The following NPM2 variants were observed in gnomAD, a reference collection of about 807,000 sequenced individuals.
The protein encoded by NPM2 is nucleoplasmin-2.
A neutral mutation model predicts 32.0 loss-of-function variants in NPM2; 25 were observed. The observed-to-expected ratio is 0.78, with a 90% CI of 0.57 to 1.09. The LOEUF is 1.09. NPM2 is among the 50% of genes least tolerant of loss of function. The pLI, the probability that NPM2 is intolerant of heterozygous loss-of-function variation, is 0.00. For synonymous variants in NPM2, 111 were observed against 94.2 expected (o/e 1.18, Z -1.04); for missense variants, 282 against 259.9 (o/e 1.08, Z -0.58).
intron 5 of NPM2, among the ~76,000 whole-genome samples, chr8:22,032,215 G>A (rs1050411883): frequency 2.6e-5 from 4 of 152,192 alleles, no homozygotes; most frequent in African/African-American, 9.7e-5. Flanking sequence ...AGAAAATTTG[G>A]GAAGTTTGGA....
intron 5 of NPM2, among the ~76,000 whole-genome samples, chr8:22,028,484 G>GC: frequency 2.9e-5 from 1 of 33,988 alleles, no homozygotes; most frequent in East Asian, 1.3e-3. Flanking sequence ...ATGCCCAGCT[G>GC]ATTTTTTTTT....
At position 22,033,953 on chromosome 8, in the gene NPM2, G is replaced by T. The variant is rs185487248; in HGVS notation, c.365-156G>T. Among the ~76,000 whole-genome samples, 11 of 152,254 alleles carry T rather than the reference G, an allele frequency of 7.2e-5. No homozygotes were observed. The South Asian group carries it at 2.3e-3, about 32-fold the overall frequency. ...TGTTGGGAGGGCCAGAAAGGGTGCC[G>T]CCCTGTACAGGTGGCAGGCAGGTAA... On this transcript the variant is annotated intron_variant, in intron 6 of 9. Coordinates refer to ENST00000518119, the MANE Select transcript of NPM2 (RefSeq NM_001286680.2).
At chr8:22,036,255 A>G (rs1245614670) in intron 8 of NPM2, 1 of 504,918 alleles carries the variant, frequency 2.0e-6, no homozygotes, top group Non-Finnish European at 3.5e-6. Flanking sequence ...TCTCAAAAAC[A>G]AAACAAAACA....
chr8:22,025,379 A>G, intron 3 of NPM2, 57 bp from the exon 4 acceptor site: 1 of 1,603,462 alleles, frequency 6.2e-7, no homozygotes. Flanking sequence ...GGCGCAGGTG[A>G]GCCCCTCCTT....
At chr8:22,033,253 C>T (rs370055352) in intron 6 of NPM2, 30 bp downstream of exon 6, 29 of 1,532,152 alleles carry the variant, frequency 1.9e-5, no homozygotes, top group African/African-American at 5.5e-5. Context: ...CAGGAAGGTC[C>T]GTGAGTACCG....
At chr8:22,033,749 G>A (rs1800519538) in intron 6 of NPM2, among the ~76,000 whole-genome samples, 1 of 152,132 alleles carries the variant, frequency 6.6e-6, no homozygotes, top group Non-Finnish European at 1.5e-5. Context: ...ATTTGTTTTA[G>A]ATTCTTTCCC....
rs543192652 is a variant in NPM2, at chr8:22,025,533, C to G, written c.144+12C>G. ...TGTTGCTTCATACGGTAGGTGTTCCCAAAAGAGGGGAGGAAGATGGTGTCC... is the reference window on the plus strand; with the variant it reads ...TGTTGCTTCATACGGTAGGTGTTCCGAAAAGAGGGGAGGAAGATGGTGTCC... On this transcript the variant is annotated intron_variant, in intron 4 of 9. Transcript: ENST00000518119. The G allele has an allele frequency of 6.2e-7, 1 of 1,613,858 alleles. No homozygotes were observed. The highest frequency in any genetic ancestry group is 2.2e-5 in the East Asian group (1 of 44,870).
In NPM2 at chr8:22,024,136, T is replaced by G. The variant is rs1800147665; in HGVS notation, c.-628T>G. On this transcript the variant is annotated 5_prime_UTR_variant, in exon 1 of 10. Transcript: ENST00000518119. Reference sequence around the variant, plus strand: ...TAGCGTCGCTAGCCGTGCTCCTCAGTGTGCTCCCCGCCCCCTGCCGCGGCG... The same window carrying G: ...TAGCGTCGCTAGCCGTGCTCCTCAGGGTGCTCCCCGCCCCCTGCCGCGGCG... 1 of 152,724 alleles carries G rather than the reference T, an allele frequency of 6.5e-6. No individual in the cohort carries two copies. Among genetic ancestry groups the G allele is most frequent in the Admixed American group, 6.5e-5 (1 of 15,274 alleles). 9.5% of individuals were successfully genotyped at this position (152,724 alleles called of 1,614,324 possible).
At position 22,024,473 on chromosome 8, in the gene NPM2, G is replaced by C. The variant is rs1245996417; in HGVS notation, c.-291G>C. On this transcript the variant is annotated 5_prime_UTR_variant, in exon 1 of 10. Transcript: ENST00000518119. ...GGCCTCGGCGGGTCCGCAATTGGCCGGGACAGCTTCTCACGAAAGGTCCTG... is the reference window on the plus strand; with the variant it reads ...GGCCTCGGCGGGTCCGCAATTGGCCCGGACAGCTTCTCACGAAAGGTCCTG... 1 of 152,526 alleles carries C rather than the reference G, an allele frequency of 6.6e-6. No individual in the cohort carries two copies. The highest frequency in any genetic ancestry group is 2.1e-4 in the South Asian group (1 of 4,842). The allele number at this position is 152,526 out of a possible 1,614,324, so 9.4% of individuals were successfully genotyped here. A position where few individuals can be genotyped will look rare whatever the true frequency, so the allele number is the denominator to read the frequency against.
At chr8:22,033,969 A>G in intron 6 of NPM2, 140 bp from the exon 7 acceptor site, 1 of 1,315,742 alleles carries the variant, frequency 7.6e-7, no homozygotes, top group Non-Finnish European at 1.0e-6. Context: ...TACAGGTGGC[A>G]GGCAGGTAAC....
chr8:22,031,360 C>T (rs1210080601), intron 5 of NPM2, among the ~76,000 whole-genome samples: 1 of 152,184 alleles, frequency 6.6e-6, no homozygotes, highest in Non-Finnish European at 1.5e-5. Context: ...CCTTGAGGGT[C>T]CTACCCTCCC....
At chr8:22,033,271 C>A in intron 6 of NPM2, 48 bp downstream of exon 6, 1 of 1,434,496 alleles carries the variant, frequency 7.0e-7, no homozygotes, top group Non-Finnish European at 9.8e-7. Context: ...CCGTGCTAGG[C>A]AGGGGCTCGG....
intron 8 of NPM2, chr8:22,036,225 G>A: frequency 4.7e-6 from 2 of 428,732 alleles, no homozygotes; most frequent in Non-Finnish European, 4.2e-6. Context: ...CTCCAGCCTG[G>A]GCAACAGAAC....
chr8:22,027,084 C>T (rs1215797867), intron 5 of NPM2, among the ~76,000 whole-genome samples: 4 of 152,196 alleles, frequency 2.6e-5, no homozygotes, highest in Non-Finnish European at 5.9e-5. Flanking sequence ...ATAAATACTA[C>T]TGGTCATGTT....
intron 5 of NPM2, among the ~76,000 whole-genome samples, chr8:22,031,769 A>G (rs1290750635): frequency 6.6e-6 from 1 of 152,210 alleles, no homozygotes; most frequent in African/African-American, 2.4e-5. Context: ...GTTTTGAAGC[A>G]AAAAGTCCTG....
chr8:22,027,527 C>G (rs1800294716), intron 5 of NPM2, among the ~76,000 whole-genome samples: 1 of 152,058 alleles, frequency 6.6e-6, no homozygotes, highest in Non-Finnish European at 1.5e-5. Flanking sequence ...ATTTTTATCT[C>G]TAATCCACCC....
In NPM2 at chr8:22,024,732, G is replaced by A. The variant is rs1585503375; in HGVS notation, c.-132G>A. The A allele has an allele frequency of 6.5e-6, 1 of 153,022 alleles. No individual in the cohort carries two copies. Among genetic ancestry groups the A allele is most frequent in the Non-Finnish European group, 1.5e-5 (1 of 68,628 alleles). 9.5% of individuals were successfully genotyped at this position (153,022 alleles called of 1,614,324 possible). On this transcript the variant is annotated 5_prime_UTR_variant, in exon 2 of 10. The change abolishes the stop of an existing upstream ORF in the 5' untranslated region. Transcript: ENST00000518119. ...GCCCTTCCCCTTCCCAGGCTTCTTA[G>A]CCCGGGCTTGGACAGCCGCCTTCCG...
At chr8:22,028,865 T>A (rs1800344125) in intron 5 of NPM2, among the ~76,000 whole-genome samples, 1 of 152,146 alleles carries the variant, frequency 6.6e-6, no homozygotes, top group African/African-American at 2.4e-5. Flanking sequence ...CAGTATAGTC[T>A]GTATTCATTG....
intron 5 of NPM2, among the ~76,000 whole-genome samples, chr8:22,027,705 C>T (rs1038724365): frequency 6.6e-6 from 1 of 151,696 alleles, no homozygotes; most frequent in African/African-American, 2.4e-5. Flanking sequence ...ATCCCATGTT[C>T]GAGTGATTCT....
Sources: allele counts gnomAD v4.1 joint callset (sites outside exome capture counted in the v4.1 genomes callset), GRCh38; gene constraint gnomAD v4.1.1; transcripts MANE v1.5; gene names NCBI Gene and HGNC (gene_info 2026-07-23, HGNC 2026-07-21).